CC2D2A: variants seen among roughly 807,000 people sequenced by gnomAD.
CC2D2A encodes the protein coiled-coil and C2 domain-containing protein 2A.
A neutral mutation model predicts 212.9 loss-of-function variants in CC2D2A; 155 were observed. The ratio of observed to expected loss-of-function variants is 0.73; its 90% CI spans 0.64 to 0.83. The LOEUF (loss-of-function observed/expected upper bound fraction) is 0.83. Ranked by LOEUF, CC2D2A falls within the 40% of genes least tolerant of loss-of-function variation. CC2D2A has a pLI of 0.00. For missense variants in CC2D2A, 1,856 were observed against 1,956.2 expected (o/e 0.95, Z 0.97); for synonymous variants, 667 against 686.5 (o/e 0.97, Z 0.44).
chr4:15,571,284 C>A (rs1289157938), intron 28 of CC2D2A, among the ~76,000 whole-genome samples: 2 of 152,194 alleles, frequency 1.3e-5, no homozygotes, highest in Admixed American at 6.5e-5. Flanking sequence ...AATGCAGAGA[C>A]ACGCTTAACA....
intron 29 of CC2D2A, among the ~76,000 whole-genome samples, chr4:15,577,834 T>A (rs1226661893): frequency 1.3e-5 from 2 of 152,116 alleles, no homozygotes; most frequent in Admixed American, 6.5e-5. Flanking sequence ...AGGTCTCAAG[T>A]CCCTGATTGC....
At chr4:15,583,139 T>C (rs891356663) in intron 30 of CC2D2A, among the ~76,000 whole-genome samples, 6 of 152,050 alleles carry the variant, frequency 3.9e-5, no homozygotes, top group African/African-American at 1.4e-4. Flanking sequence ...GAATTCAACA[T>C]CCCTCATGAT....
chr4:15,529,610 A>G (rs1010388123), intron 13 of CC2D2A, among the ~76,000 whole-genome samples: 3 of 152,128 alleles, frequency 2.0e-5, no homozygotes, highest in Non-Finnish European at 4.4e-5. Flanking sequence ...GTAGATTTAT[A>G]TCATGCTTTA....
intron 7 of CC2D2A, among the ~76,000 whole-genome samples, chr4:15,510,573 G>A (rs1716516060): frequency 6.6e-6 from 1 of 152,214 alleles, no homozygotes. Context: ...TCCAGCCTGG[G>A]TGACAGAGTG....
chr4:15,591,295 A>G (rs28528670), intron 33 of CC2D2A, among the ~76,000 whole-genome samples: 42,523 of 148,848 alleles, frequency 0.29, 6,394 homozygotes, highest in East Asian at 0.48. Context: ...TCTCGGCTCA[A>G]CGCAACCTCC....
chr4:15,491,882 T>A (rs1320339142), intron 4 of CC2D2A, among the ~76,000 whole-genome samples: 2 of 152,252 alleles, frequency 1.3e-5, no homozygotes, highest in African/African-American at 4.8e-5. Context: ...AAGTTTTAAA[T>A]TTTGATAAAC....
At chr4:15,568,110 A>C (rs1269239481) in intron 26 of CC2D2A, among the ~76,000 whole-genome samples, 1 of 152,182 alleles carries the variant, frequency 6.6e-6, no homozygotes, top group East Asian at 1.9e-4. Context: ...TTTCTTCCTC[A>C]TGTCCCCTCA....
chr4:15,559,021 A>G (rs1719432637), intron 21 of CC2D2A, 144 bp from the exon 22 acceptor site: 1 of 641,600 alleles, frequency 1.6e-6, no homozygotes, highest in Non-Finnish European at 2.7e-6. Flanking sequence ...TCAAAGACCA[A>G]TTCTGAACCA....
intron 2 of CC2D2A, among the ~76,000 whole-genome samples, chr4:15,477,304 A>C (rs1259975526): frequency 6.6e-6 from 1 of 151,552 alleles, no homozygotes; most frequent in African/African-American, 2.4e-5. Context: ...TCCATCTCAA[A>C]AAAAAAAAAA....
intron 33 of CC2D2A, among the ~76,000 whole-genome samples, chr4:15,592,155 C>T (rs1341666283): frequency 6.6e-6 from 1 of 152,116 alleles, no homozygotes; most frequent in Non-Finnish European, 1.5e-5. Context: ...TGCTTGTTTC[C>T]ATTCCCATTC....
intron 3 of CC2D2A, among the ~76,000 whole-genome samples, chr4:15,480,357 T>G (rs1040210735): frequency 7.2e-5 from 11 of 152,200 alleles, no homozygotes; most frequent in Admixed American, 3.3e-4. Context: ...CCAGTAACAC[T>G]TTAGCTGCTG....
At chr4:15,497,292 C>A (rs1224530913) in intron 4 of CC2D2A, among the ~76,000 whole-genome samples, 4 of 152,062 alleles carry the variant, frequency 2.6e-5, no homozygotes, top group South Asian at 2.1e-4. Flanking sequence ...CATTTTTGTT[C>A]CTGAAGTCAA....
At chr4:15,491,231 G>C (rs1715289092) in intron 4 of CC2D2A, among the ~76,000 whole-genome samples, 1 of 152,128 alleles carries the variant, frequency 6.6e-6, no homozygotes, top group Admixed American at 6.5e-5. Flanking sequence ...GAAAGTTCCA[G>C]TTTCTCCACA....
chr4:15,559,836 A>G (rs1719481969), intron 22 of CC2D2A, among the ~76,000 whole-genome samples: 1 of 151,916 alleles, frequency 6.6e-6, no homozygotes, highest in Non-Finnish European at 1.5e-5. Flanking sequence ...ATTTTTATAT[A>G]TTTGAGACAG....
rs765241815 is a variant in CC2D2A, at chr4:15,502,833, A to C, written c.348A>C (p.Glu116Asp). 1 of 1,610,342 alleles carries C rather than the reference A, an allele frequency of 6.2e-7. No individual in the cohort carries two copies. Among genetic ancestry groups the C allele is most frequent in the Non-Finnish European group, 8.5e-7 (1 of 1,178,398 alleles). Residue 116 changes from glutamate (E) to aspartate (D), a missense_variant, in exon 6 of 37, where the codon GAA becomes GAC. Glu to Asp is a conservative substitution (Grantham distance 45). Around this residue, in one of 5 missense-constraint regions of CC2D2A, gnomAD observed 1,512 missense variants for 1,579.3 expected, o/e 0.96. Transcript: ENST00000424120. ...GTTTGACTTTTTAGTCCAAAGCAGA[A>C]AGTGCATTGCTGCAGGAAATCCCCA... ...EKLQAARSKA[E>D]SALLQEIPTP... is the part of the protein sequence containing the mutation.
In CC2D2A at chr4:15,594,401, G is replaced by T. The variant is rs6825051; in HGVS notation, c.4315-1684G>T. On this transcript the variant is annotated intron_variant, in intron 33 of 36. Transcript: ENST00000424120. ...TATTCTCAGGGATCTGAGTCAGCTGGGGAGGTTCTGCTAATTGAGGCTGGG... is the reference window on the plus strand; with the variant it reads ...TATTCTCAGGGATCTGAGTCAGCTGTGGAGGTTCTGCTAATTGAGGCTGGG... 2.6e-5 allele frequency among the ~76,000 whole-genome samples: 4 copies of T among 152,088 alleles called. No homozygotes were observed. In the South Asian group the frequency reaches 6.2e-4, roughly 24 times the overall value.
chr4:15,574,280 T>A lies in CC2D2A; in HGVS notation c.3725T>A (p.Ile1242Asn). The A allele has an allele frequency of 6.4e-7, 1 of 1,551,528 alleles. No individual in the cohort carries two copies. Among genetic ancestry groups the A allele is most frequent in the Non-Finnish European group, 8.7e-7 (1 of 1,146,870 alleles). Residue 1242 changes from isoleucine to asparagine, a missense_variant, in exon 29 of 37, where the codon ATT becomes AAT. Ile to Asn is a moderately radical substitution (Grantham distance 149, BLOSUM62 -3). Transcript: ENST00000424120. ...LSEGSYITLF[I>N]TIEPQLVPGE... ...GAAGGCTCCTACATTACCCTCTTTA[T>A]TACCATTGAGCCCCAGCTGGTTCCT...
intron 11 of CC2D2A, among the ~76,000 whole-genome samples, chr4:15,526,178 T>C (rs1717501218): frequency 6.6e-6 from 1 of 152,224 alleles, no homozygotes; most frequent in Admixed American, 6.5e-5. Flanking sequence ...GATTGCTGCT[T>C]GAAGACAGGC....
chr4:15,555,793 A>C (rs889105553), intron 20 of CC2D2A, among the ~76,000 whole-genome samples: 1 of 152,156 alleles, frequency 6.6e-6, no homozygotes, highest in Non-Finnish European at 1.5e-5. Flanking sequence ...GTGAGCAGTA[A>C]ATATTGTTGT....
Sources: allele counts gnomAD v4.1 joint callset (sites outside exome capture counted in the v4.1 genomes callset), GRCh38; gene constraint gnomAD v4.1.1; regional missense constraint gnomAD v4.1.1; transcripts MANE v1.5; gene names NCBI Gene and HGNC (gene_info 2026-07-23, HGNC 2026-07-21).